PARVB: variants seen among roughly 807,000 people sequenced by gnomAD.
PARVB encodes the protein beta-parvin.
Under a neutral mutation model 47.0 loss-of-function variants are expected in PARVB, and 46 were observed. The ratio of observed to expected loss-of-function variants is 0.98; its 90% CI spans 0.77 to 1.25. PARVB has a LOEUF of 1.25. Ranked by LOEUF, PARVB falls within the 50% of genes most tolerant of loss-of-function variation. PARVB has a pLI of 0.00. For missense variants in PARVB, 473 were observed against 471.6 expected (o/e 1.00, Z -0.03); for synonymous variants, 196 against 196.3 (o/e 1.00, Z 0.01).
chr22:44,154,426 T>C lies in PARVB; in HGVS notation c.843+2875T>C, dbSNP rs552155101. 5.3e-5 allele frequency among the ~76,000 whole-genome samples: 8 copies of C among 152,334 alleles called. 1 individual carries two copies. The East Asian group carries it at 1.5e-3, about 29-fold the overall frequency. On this transcript the variant is annotated intron_variant, in intron 10 of 12. Transcript: ENST00000338758. ...GTCGGAGAGGCCCTGGTTTAATTTC[T>C]TCAATTTCTATTTGTGTGTGGGTGA...
intron 1 of PARVB, among the ~76,000 whole-genome samples, chr22:44,054,547 C>T (rs1193251227): frequency 6.6e-6 from 1 of 151,586 alleles, no homozygotes; most frequent in Non-Finnish European, 1.5e-5. Flanking sequence ...AGTGGAATGG[C>T]AGTTGCCAGG....
intron 1 of PARVB, chr22:43,999,479 GCT>G: frequency 6.4e-7 from 1 of 1,560,956 alleles, no homozygotes; most frequent in Non-Finnish European, 8.8e-7. Flanking sequence ...CAAATTTCTA[GCT>G]TCTCTTGAGA....
Position 44,006,015 on chromosome 22 carries a change from C to T in PARVB, c.211+6342C>T, listed in dbSNP as rs531976496. Among the ~76,000 whole-genome samples, 11 of 152,362 alleles carry T rather than the reference C, an allele frequency of 7.2e-5. No individual in the cohort carries two copies. The South Asian group carries it at 2.3e-3, about 32-fold the overall frequency. On this transcript the variant is annotated intron_variant, in intron 2 of 13. Transcript: ENST00000406477. ...TCCACTGGTAACAGCGCTATCATAG[C>T]TCACTGCAGTCTCAACTCCCTGGCT...
intron 1 of PARVB, among the ~76,000 whole-genome samples, chr22:44,046,971 T>G (rs1601523418): frequency 1.3e-5 from 2 of 149,804 alleles, no homozygotes; most frequent in Non-Finnish European, 1.5e-5. Flanking sequence ...GTGCGGGGGG[T>G]GGGGATGGCC....
chr22:44,039,026 C>A (rs1423734650), intron 1 of PARVB, among the ~76,000 whole-genome samples: 1 of 152,162 alleles, frequency 6.6e-6, no homozygotes, highest in Non-Finnish European at 1.5e-5. Flanking sequence ...CTCCCCGTCA[C>A]CAGCCACCTG....
rs866406914 is a variant in PARVB, at chr22:44,115,709, C to G, written c.274-3329C>G. ...CTGCACCAACACAGATACATTGTTACTAACTAAGGCCCTACAGCAACACAG... is the reference window on the plus strand; with the variant it reads ...CTGCACCAACACAGATACATTGTTAGTAACTAAGGCCCTACAGCAACACAG... On this transcript the variant is annotated intron_variant, in intron 3 of 12. Transcript: ENST00000338758. 2.7e-5 allele frequency: 2 copies of G among 75,314 alleles called. 1 individual carries two copies. Among genetic ancestry groups the G allele is most frequent in the East Asian group, 8.9e-4 (2 of 2,258 alleles). The allele number at this position is 75,314 out of a possible 1,614,324, so 4.7% of individuals were successfully genotyped here.
At chr22:44,000,847 T>G (rs2146839278) in intron 2 of PARVB, among the ~76,000 whole-genome samples, 1 of 152,364 alleles carries the variant, frequency 6.6e-6, no homozygotes, top group South Asian at 2.1e-4. Flanking sequence ...TTGGATTGTT[T>G]ACCCAGGCAT....
At chr22:44,141,029 A>G (rs1346082921) in intron 8 of PARVB, 1 of 159,416 alleles carries the variant, frequency 6.3e-6, no homozygotes, top group African/African-American at 2.4e-5. Context: ...AACAGCTCTT[A>G]AAAGGAAAAA....
At chr22:44,066,811 CTCCTCCTCCTCT>C (rs1020391042) in intron 1 of PARVB, among the ~76,000 whole-genome samples, 11 of 149,288 alleles carry the variant, frequency 7.4e-5, no homozygotes, top group East Asian at 2.0e-4. Context: ...CCTCCTCCTC[CTCCTCCTCCTCT>C]TCCTCCTCCA....
At chr22:44,008,257 G>T (rs1160024372) in intron 2 of PARVB, among the ~76,000 whole-genome samples, 1 of 151,986 alleles carries the variant, frequency 6.6e-6, no homozygotes, top group Non-Finnish European at 1.5e-5. Context: ...GATTACAGGC[G>T]CGCATCACCA....
intron 3 of PARVB, chr22:44,104,142 T>C (rs1219732652): frequency 6.6e-6 from 1 of 152,166 alleles, no homozygotes; most frequent in Non-Finnish European, 1.5e-5. Context: ...CCTTGGCCAT[T>C]TCCTGGAAGG....
chr22:44,124,014 C>T (rs908591487), intron 4 of PARVB, among the ~76,000 whole-genome samples: 1 of 152,212 alleles, frequency 6.6e-6, no homozygotes, highest in Non-Finnish European at 1.5e-5. Flanking sequence ...GTATCTGGCT[C>T]GCTGCTGGGT....
chr22:44,106,449 C>T (rs536340841), intron 3 of PARVB: 25 of 152,352 alleles, frequency 1.6e-4, no homozygotes, highest in African/African-American at 4.8e-4. Context: ...AGTGGTTCCT[C>T]GGAGGCATTT....
chr22:44,101,409 A>AG (rs2147069865), intron 3 of PARVB, among the ~76,000 whole-genome samples: 1 of 139,860 alleles, frequency 7.2e-6, no homozygotes, highest in African/African-American at 3.3e-5. Context: ...CTCCGTCTCA[A>AG]AAAAAAATAA....
chr22:44,127,583 G>A (rs2053215053), intron 4 of PARVB, among the ~76,000 whole-genome samples: 1 of 152,196 alleles, frequency 6.6e-6, no homozygotes, highest in South Asian at 2.1e-4. Context: ...ACTGGGTCTG[G>A]GCTGTCAGCC....
At chr22:44,016,029 A>G (rs895756943) in intron 2 of PARVB, among the ~76,000 whole-genome samples, 2 of 151,038 alleles carry the variant, frequency 1.3e-5, no homozygotes, top group African/African-American at 4.9e-5. Context: ...GGAACCAACA[A>G]CGCATTTTTT....
rs1365612872 is a variant in PARVB, at chr22:44,113,497, C to G, written c.274-5541C>G. Reference sequence around the variant, plus strand: ...CTGCACCAACACAGATACGTTGTTACTAAGTAAGGCCCTGTACCAACACAG... The same window carrying G: ...CTGCACCAACACAGATACGTTGTTAGTAAGTAAGGCCCTGTACCAACACAG... On this transcript the variant is annotated intron_variant, in intron 3 of 12. Transcript: ENST00000338758. 21 of 60,050 alleles carry G rather than the reference C, an allele frequency of 3.5e-4. 7 individuals are homozygous for G. The highest frequency in any genetic ancestry group is 2.0e-3 in the African/African-American group (21 of 10,354). The allele number at this position is 60,050 out of a possible 1,614,324, so 3.7% of individuals were successfully genotyped here.
chr22:44,156,343 G>A (rs1349996662), intron 10 of PARVB, among the ~76,000 whole-genome samples: 2 of 146,754 alleles, frequency 1.4e-5, no homozygotes, highest in African/African-American at 2.5e-5. Context: ...ACAGTGGCGC[G>A]ATCGCGGCTC....
chr22:44,094,972 C>T (rs991567413), intron 2 of PARVB, among the ~76,000 whole-genome samples: 4 of 151,238 alleles, frequency 2.6e-5, no homozygotes, highest in Non-Finnish European at 5.9e-5. Context: ...TGTGGCGTGG[C>T]GTGGCATGTC....
Sources: allele counts gnomAD v4.1 joint callset (sites outside exome capture counted in the v4.1 genomes callset), GRCh38; gene constraint gnomAD v4.1.1; transcripts MANE v1.5; gene names NCBI Gene and HGNC (gene_info 2026-07-23, HGNC 2026-07-21).